Variants in SAGE1 observed in about 807,000 individuals in gnomAD.
SAGE1 encodes sarcoma antigen 1.
In SAGE1, 55 loss-of-function variants were observed where a neutral mutation model predicts 55.4. The observed-to-expected ratio is 0.99, with a 90% confidence interval of 0.80 to 1.24. The LOEUF (loss-of-function observed/expected upper bound fraction) is 1.24, where lower values mean the gene tolerates loss of function less well. SAGE1 is among the 50% of genes most tolerant of loss of function. The pLI is 0.00. For synonymous variants in SAGE1, 240 were observed against 244.3 expected (o/e 0.98, Z 0.17); for missense variants, 710 against 704.4 (o/e 1.01, Z -0.09).
At position 135,896,307 on chromosome X, in the gene SAGE1, A is replaced by G. The variant is rs1457144989; in HGVS notation, c.65A>G (p.Tyr22Cys). 1.4e-5 allele frequency: 17 copies of G among 1,199,117 alleles called. No individual in the cohort carries two copies. The highest frequency in any genetic ancestry group is 1.2e-4 in the East Asian group (4 of 33,754). ...TPPEELHAAA[Y>C]VFTNDGQQMR... ...CCTGAAGAACTTCATGCTGCTGCCT[A>G]TGTGTTTACAAATGATGGGCAGGTA... Residue 22 changes from tyrosine to cysteine, a missense_variant, in exon 2 of 20, where the codon TAT (tyrosine) becomes TGT (cysteine). By Grantham distance (194) the Tyr-to-Cys change is radical (BLOSUM62 -2). Coordinates refer to ENST00000370709, the MANE Select transcript of SAGE1 (RefSeq NM_001381902.1).
At chrX:135,900,573 C>T (rs1210845317) in intron 2 of SAGE1, among the ~76,000 whole-genome samples, 3 of 110,734 alleles carry the variant, frequency 2.7e-5, no homozygotes, top group Non-Finnish European at 5.7e-5. Context: ...ATTACCAGCT[C>T]TTCTTGGTAC....
chrX:135,912,609 T>A, intron 19 of SAGE1, 189 bp from the exon 20 acceptor site: 2 of 752,951 alleles, frequency 2.7e-6, no homozygotes, highest in Non-Finnish European at 3.1e-6. Flanking sequence ...TCCAAATTTA[T>A]CAAAATCTGG....
rs781878265 is a variant in SAGE1 at position 135,911,230 on chromosome X, A to C, written c.2044A>C (p.Thr682Pro). The part of the protein sequence containing the change: ...ATHSVHEEKM[T>P]NGQQAPDNSL... ...TCACAGTGTCCATGAGGAGAAGATG[A>C]CAAATGGCCAACAGGCACCTGATAA... The change falls in exon 17 of 20, where the codon ACA (threonine) becomes CCA (proline). Residue 682 changes from threonine (T) to proline (P), a missense_variant. Coordinates refer to ENST00000370709, the MANE Select transcript of SAGE1 (RefSeq NM_001381902.1). 1.7e-6 allele frequency: 2 copies of C among 1,210,062 alleles called. No individual in the cohort carries two copies. Among genetic ancestry groups the C allele is most frequent in the Non-Finnish European group, 2.2e-6 (2 of 894,112 alleles).
At chrX:135,904,328 G>A (rs2088740407) in intron 3 of SAGE1, 149 bp from the exon 4 acceptor site, 1 of 469,094 alleles carries the variant, frequency 2.1e-6, no homozygotes, top group South Asian at 3.6e-5. Flanking sequence ...ATCTTTTCTG[G>A]CCTCAATTTT....
rs149476095 is a variant in SAGE1, at chrX:135,910,038, G to A, written c.1732G>A (p.Val578Ile). 4.4e-5 allele frequency: 53 copies of A among 1,206,878 alleles called. No individual in the cohort carries two copies. Among genetic ancestry groups the A allele is most frequent in the African/African-American group, 8.8e-5 (5 of 56,904 alleles). The change falls in exon 15 of 20, where the codon GTC (valine) becomes ATC (isoleucine). Residue 578 changes from valine to isoleucine, a missense_variant. Physicochemically the swap from Val to Ile is conservative, Grantham distance 29. Transcript: ENST00000370709. ...CTTTATTTCTGTTCCAGATGCTACCGTCACTCACAATGTCCATGAAGAGAA... is the reference window on the plus strand; with the variant it reads ...CTTTATTTCTGTTCCAGATGCTACCATCACTCACAATGTCCATGAAGAGAA... ...AMSTRDQYAT[V>I]THNVHEEKIK... is the part of the protein sequence containing the mutation.
rs1465800458 is a variant in SAGE1 at position 135,908,028 on chromosome X, T to G, written c.1160-61T>G. ...TAGATAGTGAGCATCAGAGGGGGTA[T>G]TCCTGTGGGATTGACATACTGCACT... On this transcript the variant is annotated intron_variant, in intron 10 of 19. Transcript: ENST00000370709. 9.5e-6 allele frequency: 11 copies of G among 1,157,290 alleles called. No individual in the cohort carries two copies. The African/African-American group carries it at 2.0e-4, about 21-fold the overall frequency.
At chrX:135,908,778 C>T in intron 12 of SAGE1, 86 bp from the exon 13 acceptor site, 1 of 1,111,775 alleles carries the variant, frequency 9.0e-7, no homozygotes, top group South Asian at 2.0e-5. Flanking sequence ...GGATAATTTT[C>T]TAAAAATTCA....
chrX:135,908,415 A>G, intron 11 of SAGE1, 62 bp from the exon 12 acceptor site: 1 of 1,133,861 alleles, frequency 8.8e-7, no homozygotes, highest in East Asian at 3.0e-5. Context: ...AGAGGGATAT[A>G]TACATGTGTG....
intron 9 of SAGE1, 96 bp from the exon 10 acceptor site, chrX:135,907,605 A>AG: frequency 1.9e-6 from 2 of 1,030,206 alleles, no homozygotes; most frequent in South Asian, 4.4e-5. Context: ...CTGCTTTATG[A>AG]GTTAATTTCC....
intron 2 of SAGE1, among the ~76,000 whole-genome samples, chrX:135,900,424 G>A (rs187293242): frequency 4.5e-5 from 5 of 111,446 alleles, no homozygotes; most frequent in Non-Finnish European, 9.4e-5. Flanking sequence ...TTGCATCGAT[G>A]TTCATCAGGA....
chrX:135,904,496 C>A lies in SAGE1; in HGVS notation c.240C>A (p.Ser80Arg). The A allele has an allele frequency of 8.3e-7, 1 of 1,201,500 alleles. No individual in the cohort carries two copies. Among genetic ancestry groups the A allele is most frequent in the South Asian group, 1.8e-5 (1 of 55,923 alleles). ...TTCCAGATGCTGCAGTCACTCACAG[C>A]ATTTGTGAAGAGAGGATAAATAACG... ...DKQEDAAVTH[S>R]ICEERINNGQ... The change falls in exon 4 of 20, where the codon AGC (serine) becomes AGA (arginine). Residue 80 changes from serine to arginine, a missense_variant. By Grantham distance (110) the Ser-to-Arg change is moderately radical. Transcript: ENST00000370709.
intron 9 of SAGE1, 105 bp from the exon 10 acceptor site, chrX:135,907,596 T>C: frequency 9.8e-7 from 1 of 1,018,708 alleles, no homozygotes; most frequent in Non-Finnish European, 1.4e-6. Context: ...TGTATCCTCC[T>C]GCTTTATGAG....
intron 3 of SAGE1, among the ~76,000 whole-genome samples, chrX:135,903,305 G>T (rs1359168411): frequency 4.4e-5 from 5 of 112,624 alleles, no homozygotes; most frequent in Admixed American, 9.3e-5. Context: ...AGCCCCAGGG[G>T]CTCCCTCTGC....
intron 2 of SAGE1, among the ~76,000 whole-genome samples, chrX:135,899,301 A>T (rs1322915832): frequency 9.0e-6 from 1 of 111,643 alleles, no homozygotes; most frequent in African/African-American, 3.3e-5. Context: ...TCAGATAATT[A>T]TCACTGTGTG....
chrX:135,904,389 T>C, intron 3 of SAGE1, 88 bp from the exon 4 acceptor site: 1 of 545,194 alleles, frequency 1.8e-6, no homozygotes. Flanking sequence ...TGAGATAATT[T>C]CCTAGATACT....
chrX:135,904,180 A>G (rs1293216594), intron 3 of SAGE1, among the ~76,000 whole-genome samples: 1 of 111,991 alleles, frequency 8.9e-6, no homozygotes, highest in Non-Finnish European at 1.9e-5. Context: ...GCTTATTAGT[A>G]TGGCAGCAGC....
intron 2 of SAGE1, among the ~76,000 whole-genome samples, chrX:135,900,921 A>C (rs1312817891): frequency 1.8e-5 from 2 of 110,452 alleles, no homozygotes; most frequent in Non-Finnish European, 3.8e-5. Flanking sequence ...CCGAGGTGGG[A>C]GGATCAGGAG....
At position 135,910,165 on chromosome X, in the gene SAGE1, A is replaced by T; in HGVS notation, c.1859A>T (p.Asp620Val). 1 of 1,205,948 alleles carries T rather than the reference A, an allele frequency of 8.3e-7. No homozygotes were observed. Among genetic ancestry groups the T allele is most frequent in the South Asian group, 1.8e-5 (1 of 56,367 alleles). Residue 620 changes from aspartate (D) to valine (V), a missense_variant, in exon 15 of 20, where the codon GAT (aspartate) becomes GTT (valine). Coordinates refer to ENST00000370709, the MANE Select transcript of SAGE1 (RefSeq NM_001381902.1). ...ATGVSSMSTR[D>V]QYAAVTHNIR... ...GGTGTTTCATCCATGAGTACCAGGG[A>T]TCAGTGTAAGTTTATTCACTTGTTG...
At position 135,908,871 on chromosome X, in the gene SAGE1, C is replaced by T. The variant is rs1556604160; in HGVS notation, c.1449C>T (p.Thr483=). The change falls in exon 13 of 20, where the codon ACC becomes ACT. Residue 483 remains threonine (T), a synonymous_variant. Transcript: ENST00000370709. ...PAMSSRDLYA[T]ITHSVREEKM... is the part of the protein sequence containing the mutation. Reference sequence around the variant, plus strand: ...TCTCCCTTTGGTTTCCAGATGCTACCATTACTCACAGTGTTCGTGAAGAGA... The same window carrying T: ...TCTCCCTTTGGTTTCCAGATGCTACTATTACTCACAGTGTTCGTGAAGAGA... The T allele has an allele frequency of 1.2e-5, 14 of 1,209,693 alleles. No individual in the cohort carries two copies. The highest frequency in any genetic ancestry group is 1.5e-5 in the Non-Finnish European group (13 of 894,358).
Sources: allele counts gnomAD v4.1 joint callset (sites outside exome capture counted in the v4.1 genomes callset), GRCh38; gene constraint gnomAD v4.1.1; transcripts MANE v1.5; gene names NCBI Gene and HGNC (gene_info 2026-07-23, HGNC 2026-07-21).